TTLL11: variants seen among roughly 807,000 people sequenced by gnomAD.
TTLL11 encodes tubulin polyglutamylase TTLL11.
A neutral mutation model predicts 51.7 loss-of-function variants in TTLL11; 42 were observed. That is an observed-to-expected ratio of 0.81 (90% CI 0.64 to 1.05). TTLL11 has a LOEUF of 1.05. Among genes scored for constraint, TTLL11 ranks in the 50% least tolerant of loss-of-function variants. The probability of loss-of-function intolerance (pLI) is 0.00; values close to 1 mark genes in which losing one functional copy is unlikely to be tolerated. For synonymous variants in TTLL11, 381 were observed against 383.5 expected, an observed-to-expected ratio of 0.99 and a Z score of 0.08; for missense variants, 799 against 940.4, an observed-to-expected ratio of 0.85 and a Z score of 1.97.
chr9:121,945,492 C>T (rs897531769), intron 6 of TTLL11, among the ~76,000 whole-genome samples: 5 of 152,196 alleles, frequency 3.3e-5, no homozygotes, highest in African/African-American at 1.2e-4. Context: ...ACTGAGCATG[C>T]CTCTGCCATT....
intron 8 of TTLL11, among the ~76,000 whole-genome samples, chr9:121,847,527 AGTCTAT>A (rs1328052866): frequency 1.3e-5 from 2 of 152,228 alleles, no homozygotes; most frequent in Non-Finnish European, 2.9e-5. Flanking sequence ...ATTACAAATA[AGTCTAT>A]GTCTACAAAT....
chr9:122,040,264 G>A, intron 1 of TTLL11: 5 of 780,328 alleles, frequency 6.4e-6, no homozygotes, highest in Non-Finnish European at 7.8e-6. Context: ...TCAGACCCGC[G>A]TGAGCCTGTA....
chr9:121,913,576 A>C (rs1311570993), intron 6 of TTLL11, among the ~76,000 whole-genome samples: 1 of 152,152 alleles, frequency 6.6e-6, no homozygotes, highest in Admixed American at 6.6e-5. Context: ...AAGTTACTTT[A>C]TGCTTAATGG....
intron 1 of TTLL11, among the ~76,000 whole-genome samples, chr9:122,079,903 G>A (rs1046356780): frequency 5.3e-5 from 8 of 152,096 alleles, no homozygotes; most frequent in Admixed American, 2.0e-4. Context: ...CGAGGTGGAA[G>A]GATCACTTGA....
intron 6 of TTLL11, among the ~76,000 whole-genome samples, chr9:121,915,845 C>T (rs1840301592): frequency 6.6e-6 from 1 of 152,018 alleles, no homozygotes; most frequent in Admixed American, 6.5e-5. Context: ...TTATCTTATA[C>T]AAGCAGCAGT....
chr9:122,012,129 T>C (rs1843811538), intron 3 of TTLL11, among the ~76,000 whole-genome samples: 1 of 152,218 alleles, frequency 6.6e-6, no homozygotes, highest in Non-Finnish European at 1.5e-5. Context: ...GATTTCTTTC[T>C]TTCTTTGGAG....
intron 7 of TTLL11, among the ~76,000 whole-genome samples, chr9:121,867,574 C>T (rs1160214698): frequency 6.6e-6 from 1 of 152,190 alleles, no homozygotes; most frequent in Non-Finnish European, 1.5e-5. Flanking sequence ...GCAATTTAGC[C>T]TAGATGATAA....
Position 121,822,702 on chromosome 9 carries a change from G to T in TTLL11, c.2018C>A (p.Pro673Gln), listed in dbSNP as rs906787371. 7.1e-6 allele frequency: 11 copies of T among 1,549,654 alleles called. No homozygotes were observed. The African/African-American group carries it at 1.5e-4, about 21-fold the overall frequency. Reference sequence around the variant, plus strand: ...GGGCTCCTGGGGAGGGCCACGGTGTGGGGGCCGGCCCCCCGACGGGACGCC... The same window carrying T: ...GGGCTCCTGGGGAGGGCCACGGTGTTGGGGCCGGCCCCCCGACGGGACGCC... The part of the protein sequence containing the change: ...GRGVPSGGRP[P>Q]HRGPPQEPSP... The change falls in exon 9 of 9, where the codon CCA (proline) becomes CAA (glutamine). Residue 673 changes from proline (P) to glutamine (Q), a missense_variant. By Grantham distance (76) the Pro-to-Gln change is moderately conservative. Coordinates refer to ENST00000321582, the MANE Select transcript of TTLL11 (RefSeq NM_001139442.2). This position sits in a 1 kb window ranked among gnomAD's most constrained non-coding sequence, Gnocchi z 5.8.
intron 6 of TTLL11, among the ~76,000 whole-genome samples, chr9:121,921,773 G>T (rs1234842056): frequency 6.6e-6 from 1 of 152,202 alleles, no homozygotes; most frequent in Non-Finnish European, 1.5e-5. Flanking sequence ...GTGGAGAAGG[G>T]TAGAGAGGCC....
intron 3 of TTLL11, among the ~76,000 whole-genome samples, chr9:122,020,076 C>G (rs565559125): frequency 7.9e-5 from 12 of 152,318 alleles, no homozygotes; most frequent in African/African-American, 2.6e-4. Context: ...TTAACAGCAG[C>G]ATGAAAGCAA....
intron 6 of TTLL11, among the ~76,000 whole-genome samples, chr9:121,873,806 C>G (rs1262368163): frequency 6.8e-6 from 1 of 146,292 alleles, no homozygotes; most frequent in Non-Finnish European, 1.5e-5. Context: ...GCTAGAACTA[C>G]AGGTGTGCAC....
intron 1 of TTLL11, among the ~76,000 whole-genome samples, chr9:122,085,967 G>T (rs1268599949): frequency 2.6e-5 from 4 of 152,210 alleles, no homozygotes; most frequent in Admixed American, 2.6e-4. Flanking sequence ...CACTTAAACA[G>T]TGGTCGATTA....
intron 3 of TTLL11, among the ~76,000 whole-genome samples, chr9:122,009,529 T>C (rs1298585030): frequency 1.3e-5 from 2 of 151,826 alleles, no homozygotes; most frequent in African/African-American, 4.8e-5. Flanking sequence ...AGTATATATG[T>C]AGACATATAT....
chr9:121,911,039 T>TA (rs1207355576), intron 6 of TTLL11, among the ~76,000 whole-genome samples: 3 of 152,190 alleles, frequency 2.0e-5, no homozygotes, highest in Non-Finnish European at 4.4e-5. Flanking sequence ...GATGGTCACA[T>TA]ACTATATTTG....
chr9:121,834,805 C>A (rs557789251), intron 8 of TTLL11, among the ~76,000 whole-genome samples: 13 of 149,376 alleles, frequency 8.7e-5, no homozygotes, highest in Non-Finnish European at 1.9e-4. Flanking sequence ...CCAGCCTGGG[C>A]GACAGAGTGA....
chr9:121,825,130 C>T (rs1446975421), intron 8 of TTLL11, among the ~76,000 whole-genome samples: 1 of 152,222 alleles, frequency 6.6e-6, no homozygotes, highest in Non-Finnish European at 1.5e-5. Flanking sequence ...GAGCCTTGGT[C>T]TGACTCAAGA....
chr9:121,962,332 C>A (rs752313513), intron 6 of TTLL11, among the ~76,000 whole-genome samples: 3 of 152,128 alleles, frequency 2.0e-5, no homozygotes, highest in African/African-American at 4.8e-5. Context: ...CCCCAAAACG[C>A]CCCTTTGGAA....
At chr9:121,885,347 C>G (rs2131427263) in intron 6 of TTLL11, 1 of 152,360 alleles carries the variant, frequency 6.6e-6, no homozygotes, top group East Asian at 1.9e-4. Context: ...AAGTCTTCCA[C>G]TGTCCGTTTT....
chr9:121,931,442 C>T (rs959804777), intron 6 of TTLL11, among the ~76,000 whole-genome samples: 1 of 152,050 alleles, frequency 6.6e-6, no homozygotes, highest in African/African-American at 2.4e-5. Context: ...CCTTTCTGAA[C>T]TATAAGAAAT....
Sources: gnomAD v4.1 joint callset for allele counts (sites outside exome capture counted in the v4.1 genomes callset) on GRCh38, gnomAD v4.1.1 for gene constraint, Gnocchi (gnomAD v3.1) non-coding constraint, MANE v1.5 for transcripts, NCBI Gene and HGNC (gene_info 2026-07-23, HGNC 2026-07-21) for gene names.